Variants in PACRG observed in about 807,000 individuals in gnomAD.
PACRG encodes the protein parkin coregulated.
Under a neutral mutation model 29.7 loss-of-function variants are expected in PACRG, and 29 were observed. That is an observed-to-expected ratio of 0.98 (90% confidence interval 0.73 to 1.33). The LOEUF is 1.33. Ranked by LOEUF, PACRG falls within the 40% of genes most tolerant of loss-of-function variation. The probability of loss-of-function intolerance (pLI) is 0.00; values close to 1 mark genes in which losing one functional copy is unlikely to be tolerated. For missense variants in PACRG, 279 were observed against 316.2 expected (o/e 0.88, Z 0.89); for synonymous variants, 116 against 118.7 (o/e 0.98, Z 0.15).
chr6:163,171,394 A>G (rs1373594399), intron 4 of PACRG, among the ~76,000 whole-genome samples: 1 of 152,190 alleles, frequency 6.6e-6, no homozygotes, highest in Non-Finnish European at 1.5e-5. Flanking sequence ...TAAGCCGTTT[A>G]TCTGCTTTTG....
intron 2 of PACRG, among the ~76,000 whole-genome samples, chr6:162,934,265 A>T (rs566854730): frequency 7.9e-5 from 12 of 152,006 alleles, no homozygotes; most frequent in African/African-American, 2.4e-4. Flanking sequence ...TGTCTCAAAA[A>T]AAAAAAATAA....
chr6:162,956,688 T>G (rs904033303), intron 2 of PACRG, among the ~76,000 whole-genome samples: 1 of 152,184 alleles, frequency 6.6e-6, no homozygotes, highest in African/African-American at 2.4e-5. Context: ...GCCTTCTCCC[T>G]GTGTCTCCTC....
intron 1 of PACRG, among the ~76,000 whole-genome samples, chr6:162,805,522 A>G (rs1786246798): frequency 6.6e-6 from 1 of 152,174 alleles, no homozygotes; most frequent in African/African-American, 2.4e-5. Context: ...AAATAAGACA[A>G]CAATGAAATT....
chr6:162,754,454 A>C (rs973304146), intron 1 of PACRG, among the ~76,000 whole-genome samples: 2 of 151,968 alleles, frequency 1.3e-5, no homozygotes, highest in Non-Finnish European at 2.9e-5. Context: ...CTGTGCAGAA[A>C]CTTTTTAGTT....
chr6:162,992,784 T>G (rs1337904345), intron 2 of PACRG, among the ~76,000 whole-genome samples: 2 of 124,466 alleles, frequency 1.6e-5, no homozygotes, highest in Admixed American at 1.7e-4. Flanking sequence ...TTCTGCTAGC[T>G]TTTGAATGTG....
At chr6:163,232,889 C>T (rs1782100947) in intron 4 of PACRG, among the ~76,000 whole-genome samples, 1 of 152,122 alleles carries the variant, frequency 6.6e-6, no homozygotes, top group Admixed American at 6.5e-5. Flanking sequence ...CCTCCAGGAG[C>T]CTCCACCCCC....
chr6:163,133,084 G>A lies in PACRG; in HGVS notation c.613+43676G>A, dbSNP rs143344995. ...AGTTGATTTATTTTTCAGGTTAATA[G>A]GCCAGTATTGGTCAGGTGCAGATGA... On this transcript the variant is annotated intron_variant, in intron 4 of 4. Coordinates refer to ENST00000366888, the MANE Select transcript of PACRG (RefSeq NM_001080379.2). Among the ~76,000 whole-genome samples, 9 of 152,280 alleles carry A rather than the reference G, an allele frequency of 5.9e-5. No homozygotes were observed. In the East Asian group the frequency reaches 1.7e-3, roughly 29 times the overall value.
intron 2 of PACRG, among the ~76,000 whole-genome samples, chr6:162,847,170 C>T (rs1041820722): frequency 6.6e-6 from 1 of 152,246 alleles, no homozygotes; most frequent in South Asian, 2.1e-4. Context: ...ACACTGACCA[C>T]CTTACGGGTC....
intron 2 of PACRG, among the ~76,000 whole-genome samples, chr6:162,937,626 C>T (rs1402101120): frequency 2.0e-5 from 3 of 152,148 alleles, no homozygotes; most frequent in Admixed American, 1.3e-4. Flanking sequence ...AACCAGTTTC[C>T]ATTGTAAGTA....
At chr6:162,895,891 T>C (rs1218553041) in intron 2 of PACRG, among the ~76,000 whole-genome samples, 3 of 152,242 alleles carry the variant, frequency 2.0e-5, no homozygotes, top group Non-Finnish European at 2.9e-5. Context: ...GTTTCTATTA[T>C]TTGTAACTTT....
chr6:163,109,811 C>T (rs1815607540), intron 4 of PACRG, among the ~76,000 whole-genome samples: 1 of 152,186 alleles, frequency 6.6e-6, no homozygotes, highest in Non-Finnish European at 1.5e-5. Context: ...CATGATGACT[C>T]TTTCTGTGGT....
intron 4 of PACRG, among the ~76,000 whole-genome samples, chr6:163,292,045 G>T (rs903784884): frequency 3.3e-5 from 5 of 152,130 alleles, no homozygotes; most frequent in Non-Finnish European, 7.3e-5. Context: ...GCTAACGAAG[G>T]TTTAAGTAGG....
chr6:162,928,827 CTT>C (rs938088846), intron 2 of PACRG, among the ~76,000 whole-genome samples: 1 of 146,674 alleles, frequency 6.8e-6, no homozygotes, highest in Non-Finnish European at 1.5e-5. Flanking sequence ...ATAAGGTCCA[CTT>C]TTTTTTTTAG....
At chr6:163,285,005 C>T (rs1304058021) in intron 4 of PACRG, among the ~76,000 whole-genome samples, 2 of 151,756 alleles carry the variant, frequency 1.3e-5, no homozygotes, top group South Asian at 2.1e-4. Context: ...ACCTTCACAC[C>T]CATCAAATAT....
chr6:163,257,724 A>G (rs1259513120), intron 4 of PACRG, among the ~76,000 whole-genome samples: 1 of 152,180 alleles, frequency 6.6e-6, no homozygotes, highest in Non-Finnish European at 1.5e-5. Flanking sequence ...AACTTATTCA[A>G]GTCTTTTATT....
At chr6:163,003,498 G>A (rs952240498) in intron 2 of PACRG, among the ~76,000 whole-genome samples, 6 of 152,170 alleles carry the variant, frequency 3.9e-5, no homozygotes, top group African/African-American at 1.4e-4. Flanking sequence ...AGTATAGACA[G>A]CAGGAGATAA....
chr6:163,068,831 A>T (rs1238928517), intron 3 of PACRG, among the ~76,000 whole-genome samples: 1 of 149,756 alleles, frequency 6.7e-6, no homozygotes, highest in African/African-American at 2.5e-5. Context: ...TTATTCTCTT[A>T]TCTCTCTGTG....
intron 1 of PACRG, among the ~76,000 whole-genome samples, chr6:162,787,450 TG>T (rs1170549948): frequency 4.6e-5 from 7 of 150,638 alleles, no homozygotes. Context: ...TATACACACA[TG>T]ATAACTCTAT....
At chr6:162,819,160 G>A (rs542683914) in intron 2 of PACRG, among the ~76,000 whole-genome samples, 6 of 152,226 alleles carry the variant, frequency 3.9e-5, no homozygotes, top group Admixed American at 3.3e-4. Flanking sequence ...AACCAGAACT[G>A]ATACATATGA....
Sources: allele counts gnomAD v4.1 joint callset (sites outside exome capture counted in the v4.1 genomes callset), GRCh38; gene constraint gnomAD v4.1.1; transcripts MANE v1.5; gene names NCBI Gene and HGNC (gene_info 2026-07-23, HGNC 2026-07-21).